XPR1: variants seen among roughly 807,000 people sequenced by gnomAD.
The protein encoded by XPR1 is solute carrier family 53 member 1.
XPR1 carries 28 observed loss-of-function variants against 87.5 expected under a neutral mutation model. The ratio of observed to expected loss-of-function variants is 0.32; its 90% CI spans 0.24 to 0.44. XPR1 has a LOEUF of 0.44. XPR1 is among the 20% of genes least tolerant of loss of function. XPR1 has a pLI of 1.00. For missense variants in XPR1, 559 were observed against 862.3 expected (o/e 0.65, Z 4.41); for synonymous variants, 300 against 306.1 (o/e 0.98, Z 0.21).
chr1:180,658,208 A>C (rs1655605948), intron 1 of XPR1, among the ~76,000 whole-genome samples: 1 of 152,200 alleles, frequency 6.6e-6, no homozygotes, highest in African/African-American at 2.4e-5. Context: ...AGGTTTTTCC[A>C]ATTATAAGAT....
In XPR1 at chr1:180,632,126, G is replaced by A. The variant is rs2101886809; in HGVS notation, c.-76G>A. 1.3e-6 allele frequency: 2 copies of A among 1,528,404 alleles called. No homozygotes were observed. Among genetic ancestry groups the A allele is most frequent in the East Asian group, 2.4e-5 (1 of 41,048 alleles). 94.7% of individuals were successfully genotyped at this position (1,528,404 alleles called of 1,614,324 possible). A position where few individuals can be genotyped will look rare whatever the true frequency, so the allele number is the denominator to read the frequency against. On this transcript the variant is annotated 5_prime_UTR_variant, in exon 1 of 15. Coordinates refer to ENST00000367590, the MANE Select transcript of XPR1 (RefSeq NM_004736.4). ...CCGCGCCGCGCCGGGGCCCATGTGG[G>A]GAGGAGTCGGAGTCGCTGTTGCCGC...
At chr1:180,721,510 T>C (rs1658178990) in intron 2 of XPR1, among the ~76,000 whole-genome samples, 1 of 152,220 alleles carries the variant, frequency 6.6e-6, no homozygotes, top group Non-Finnish European at 1.5e-5. Context: ...TGAGCCAGGA[T>C]TGAAACCGTC....
At chr1:180,845,760 G>GCTGGGATTGCAGGC (rs1338011910) in intron 11 of XPR1, among the ~76,000 whole-genome samples, 3 of 27,164 alleles carry the variant, frequency 1.1e-4, no homozygotes, top group Admixed American at 5.0e-4. Flanking sequence ...GTCTTCCAAA[G>GCTGGGATTGCAGGC]CTGACCTGAG....
chr1:180,682,485 ATAAAAC>A, intron 2 of XPR1, 74 bp downstream of exon 2: 2 of 1,136,292 alleles, frequency 1.8e-6, no homozygotes, highest in Non-Finnish European at 2.5e-6. Context: ...ACTGCAGAGT[ATAAAAC>A]TAATATGATA....
At chr1:180,778,159 A>T (rs1339867091) in intron 2 of XPR1, among the ~76,000 whole-genome samples, 3 of 151,896 alleles carry the variant, frequency 2.0e-5, no homozygotes, top group African/African-American at 4.8e-5. Context: ...TTTTAAAAAA[A>T]TTTTTTTAGA....
intron 11 of XPR1, among the ~76,000 whole-genome samples, chr1:180,862,888 C>G (rs143359920): frequency 2.0e-5 from 3 of 152,032 alleles, no homozygotes; most frequent in Non-Finnish European, 4.4e-5. Context: ...TATAGCACAC[C>G]TAGAGACATT....
At chr1:180,764,586 C>G (rs536384028) in intron 2 of XPR1, among the ~76,000 whole-genome samples, 4 of 152,012 alleles carry the variant, frequency 2.6e-5, no homozygotes, top group African/African-American at 9.7e-5. Flanking sequence ...CCTCCCACCT[C>G]AGCCTCCCAT....
chr1:180,656,433 ATT>A (rs376384027), intron 1 of XPR1, among the ~76,000 whole-genome samples: 2 of 13,548 alleles, frequency 1.5e-4, no homozygotes, highest in East Asian at 3.7e-3. Flanking sequence ...ATATTTATAT[ATT>A]TATATATAAA....
intron 1 of XPR1, among the ~76,000 whole-genome samples, chr1:180,655,440 A>T (rs541387834): frequency 2.7e-4 from 37 of 136,094 alleles, no homozygotes; most frequent in Non-Finnish European, 3.8e-4. Flanking sequence ...TCATTCTGTC[A>T]CCCAGGCTGA....
intron 2 of XPR1, among the ~76,000 whole-genome samples, chr1:180,782,403 T>C (rs893849215): frequency 6.6e-6 from 1 of 151,998 alleles, no homozygotes; most frequent in African/African-American, 2.4e-5. Flanking sequence ...TGAAAGTCCA[T>C]GATCAAGATT....
chr1:180,806,046 T>C lies in XPR1; in HGVS notation c.448-16T>C, dbSNP rs1319198565. The C allele has an allele frequency of 6.2e-7, 1 of 1,609,618 alleles. No individual in the cohort carries two copies. Among genetic ancestry groups the C allele is most frequent in the African/African-American group, 1.3e-5 (1 of 74,856 alleles). On this transcript the variant is annotated splice_polypyrimidine_tract_variant and intron_variant, in intron 4 of 14. Transcript: ENST00000367590. The stretch of plus-strand genomic sequence containing the variant: ...GTAGTAGAAATTATAGTTGTGTTTC[T>C]CATTTCTTTCTGTAGAATCTGAATT...
chr1:180,714,349 T>TTCTCTC (rs71121047), intron 2 of XPR1, among the ~76,000 whole-genome samples: 1,648 of 72,002 alleles, frequency 0.023, 70 homozygotes, highest in South Asian at 0.036. Context: ...TTTTTCCCTG[T>TTCTCTC]TCTCTCTCTC....
At chr1:180,801,779 C>G (rs1198004539) in intron 3 of XPR1, among the ~76,000 whole-genome samples, 2 of 150,472 alleles carry the variant, frequency 1.3e-5, no homozygotes, top group East Asian at 3.9e-4. Context: ...TGCTATGTCC[C>G]TTGGCATTTT....
intron 1 of XPR1, among the ~76,000 whole-genome samples, chr1:180,681,617 G>A (rs137954154): frequency 3.4e-4 from 52 of 152,320 alleles, no homozygotes; most frequent in African/African-American, 1.2e-3. Context: ...CTGCACTCCA[G>A]CCTGGGCGAC....
In XPR1 at chr1:180,806,146, G is replaced by A; in HGVS notation, c.532G>A (p.Ala178Thr). The change falls in exon 5 of 15, where the codon GCT becomes ACT. Residue 178 changes from alanine to threonine, a missense_variant. Coordinates refer to ENST00000367590, the MANE Select transcript of XPR1 (RefSeq NM_004736.4). Reference sequence around the variant, plus strand: ...ATCTCGTGGAGCAGATTGGCGAGTGGCTCACGTAGAGGTGGCCCCATTTTA... The same window carrying A: ...ATCTCGTGGAGCAGATTGGCGAGTGACTCACGTAGAGGTGGCCCCATTTTA... Reference protein sequence around the residue: ...ETSRGADWRVAHVEVAPFYTC... With the variant: ...ETSRGADWRVTHVEVAPFYTC... 6.2e-7 allele frequency: 1 copy of A among 1,613,716 alleles called. No individual in the cohort carries two copies. Among genetic ancestry groups the A allele is most frequent in the Non-Finnish European group, 8.5e-7 (1 of 1,179,774 alleles).
intron 2 of XPR1, among the ~76,000 whole-genome samples, chr1:180,691,764 T>C (rs1657000798): frequency 6.6e-6 from 1 of 152,164 alleles, no homozygotes; most frequent in Non-Finnish European, 1.5e-5. Flanking sequence ...TTGTAAATTA[T>C]TCATTCTTAT....
chr1:180,827,951 A>T (rs1462480664), intron 9 of XPR1, among the ~76,000 whole-genome samples: 2 of 148,824 alleles, frequency 1.3e-5, no homozygotes, highest in Non-Finnish European at 1.5e-5. Flanking sequence ...ATCTCAGCTC[A>T]CTGCAACCTC....
intron 2 of XPR1, among the ~76,000 whole-genome samples, chr1:180,686,712 A>G (rs1210943098): frequency 6.6e-6 from 1 of 152,210 alleles, no homozygotes; most frequent in African/African-American, 2.4e-5. Context: ...ATACCTTTAT[A>G]AGACACCAAA....
intron 2 of XPR1, among the ~76,000 whole-genome samples, chr1:180,769,924 T>C (rs1320442411): frequency 6.6e-6 from 1 of 152,232 alleles, no homozygotes; most frequent in Non-Finnish European, 1.5e-5. Flanking sequence ...GTTCTCCACA[T>C]CCTTGCCAGC....
Sources: allele counts gnomAD v4.1 joint callset (sites outside exome capture counted in the v4.1 genomes callset), GRCh38; gene constraint gnomAD v4.1.1; transcripts MANE v1.5; gene names NCBI Gene and HGNC (gene_info 2026-07-23, HGNC 2026-07-21).